The following SAE1 variants were observed in gnomAD, a reference collection of about 807,000 sequenced individuals.
SAE1 encodes SUMO1 activating enzyme subunit 1.
A neutral mutation model predicts 40.6 loss-of-function variants in SAE1; 11 were observed. The observed-to-expected ratio is 0.27, with a 90% CI of 0.17 to 0.45. The LOEUF is 0.45. Among genes scored for constraint, SAE1 ranks in the 20% least tolerant of loss-of-function variants. The pLI is 1.00. For missense variants in SAE1, 373 were observed against 427.3 expected, an observed-to-expected ratio of 0.87 and a Z score of 1.12; for synonymous variants, 155 against 154.3, an observed-to-expected ratio of 1.00 and a Z score of -0.03.
At chr19:47,195,357 A>G (rs1433079457) in intron 6 of SAE1, among the ~76,000 whole-genome samples, 1 of 152,082 alleles carries the variant, frequency 6.6e-6, no homozygotes, top group African/African-American at 2.4e-5. Flanking sequence ...ACCCAGCCTA[A>G]TTAGTCTTTT....
At chr19:47,160,846 A>C (rs1260112984) in intron 5 of SAE1, among the ~76,000 whole-genome samples, 1 of 152,172 alleles carries the variant, frequency 6.6e-6, no homozygotes, top group African/African-American at 2.4e-5. Flanking sequence ...CTAATTATTA[A>C]TATCAGAACT....
intron 6 of SAE1, 21 bp downstream of exon 6, chr19:47,169,944 T>C: frequency 6.4e-7 from 1 of 1,569,164 alleles, no homozygotes; most frequent in Non-Finnish European, 8.8e-7. Context: ...AAAGCACAAC[T>C]TACCCCGGGA....
chr19:47,170,318 G>A (rs1050844061), intron 6 of SAE1, among the ~76,000 whole-genome samples: 1 of 150,554 alleles, frequency 6.6e-6, no homozygotes, highest in Non-Finnish European at 1.5e-5. Flanking sequence ...GGGTTGAAGC[G>A]ATTCTGGTGT....
chr19:47,168,859 C>T (rs939054105), intron 5 of SAE1, among the ~76,000 whole-genome samples: 25 of 152,184 alleles, frequency 1.6e-4, no homozygotes, highest in African/African-American at 5.1e-4. Context: ...CCGCCTCGGC[C>T]TCCCAAAGTG....
chr19:47,151,469 T>G (rs1342986118), intron 3 of SAE1, among the ~76,000 whole-genome samples: 2 of 151,374 alleles, frequency 1.3e-5, no homozygotes, highest in Non-Finnish European at 2.9e-5. Context: ...ACACTTTTCT[T>G]TCTTTCTTTC....
intron 1 of SAE1, chr19:47,131,260 C>G: frequency 2.8e-6 from 3 of 1,088,848 alleles, no homozygotes; most frequent in South Asian, 2.4e-5. Context: ...CTGAAGGGGG[C>G]GTTGGGGAGT....
At chr19:47,172,303 T>C (rs1183419954) in intron 6 of SAE1, among the ~76,000 whole-genome samples, 1 of 152,230 alleles carries the variant, frequency 6.6e-6, no homozygotes, top group African/African-American at 2.4e-5. Context: ...GTGAGTGGGC[T>C]GCACTCAGAA....
At chr19:47,136,549 A>AT (rs1372774541) in intron 1 of SAE1, among the ~76,000 whole-genome samples, 1 of 135,114 alleles carries the variant, frequency 7.4e-6, no homozygotes, top group Non-Finnish European at 1.5e-5. Flanking sequence ...AGACTGGAGT[A>AT]TGGTGGCGTG....
intron 8 of SAE1, among the ~76,000 whole-genome samples, chr19:47,204,752 T>A (rs926284021): frequency 6.6e-6 from 1 of 151,990 alleles, no homozygotes; most frequent in Non-Finnish European, 1.5e-5. Flanking sequence ...CACCTCAGCC[T>A]CCCAAAGTGC....
chr19:47,168,318 T>C (rs911162709), intron 5 of SAE1, among the ~76,000 whole-genome samples: 15 of 152,016 alleles, frequency 9.9e-5, no homozygotes, highest in African/African-American at 4.8e-5. Flanking sequence ...CTGTATTTTT[T>C]TCTCTCTCTC....
intron 6 of SAE1, among the ~76,000 whole-genome samples, chr19:47,184,479 TG>T (rs2058530952): frequency 6.6e-6 from 1 of 151,630 alleles, no homozygotes; most frequent in African/African-American, 2.4e-5. Context: ...GGTGTGATTT[TG>T]GCTCATTGCA....
At chr19:47,161,585 T>A (rs935435474) in intron 5 of SAE1, among the ~76,000 whole-genome samples, 11 of 152,174 alleles carry the variant, frequency 7.2e-5, no homozygotes, top group African/African-American at 2.4e-4. Context: ...ATCACGTGTT[T>A]ATAAATCTAA....
chr19:47,188,086 C>T (rs916394499), intron 6 of SAE1, among the ~76,000 whole-genome samples: 4 of 152,032 alleles, frequency 2.6e-5, no homozygotes, highest in Non-Finnish European at 4.4e-5. Flanking sequence ...TGGTGGCTCA[C>T]GCCTGTAATC....
intron 1 of SAE1, among the ~76,000 whole-genome samples, chr19:47,141,902 G>A (rs2058224394): frequency 6.6e-6 from 1 of 152,116 alleles, no homozygotes; most frequent in Admixed American, 6.6e-5. Flanking sequence ...AATACATGAT[G>A]TAAAGTCTGT....
intron 1 of SAE1, among the ~76,000 whole-genome samples, chr19:47,136,201 C>G (rs959230368): frequency 4.6e-5 from 7 of 151,964 alleles, no homozygotes; most frequent in African/African-American, 7.3e-5. Flanking sequence ...GACAGTGGCA[C>G]GATCTCAGCC....
At chr19:47,208,908 T>C (rs936543694) in intron 8 of SAE1, among the ~76,000 whole-genome samples, 10 of 152,192 alleles carry the variant, frequency 6.6e-5, no homozygotes, top group African/African-American at 2.4e-4. Flanking sequence ...ATACATTTCT[T>C]AATCTCATGT....
chr19:47,141,371 A>T (rs1216099073), intron 1 of SAE1, among the ~76,000 whole-genome samples: 3 of 151,160 alleles, frequency 2.0e-5, no homozygotes, highest in Non-Finnish European at 1.5e-5. Context: ...CGAACTCCTG[A>T]CCTCAGGTGA....
chr19:47,188,042 C>T (rs1337588504), intron 6 of SAE1, among the ~76,000 whole-genome samples: 1 of 152,080 alleles, frequency 6.6e-6, no homozygotes. Flanking sequence ...TTCATTTCCA[C>T]AGGTGAATAT....
intron 6 of SAE1, among the ~76,000 whole-genome samples, chr19:47,183,513 G>A (rs190551605): frequency 6.6e-6 from 1 of 152,172 alleles, no homozygotes; most frequent in Admixed American, 6.5e-5. Flanking sequence ...CAGGCACCTC[G>A]TGACATTTTC....
Sources: gnomAD v4.1 joint callset for allele counts (sites outside exome capture counted in the v4.1 genomes callset) on GRCh38, gnomAD v4.1.1 for gene constraint, MANE v1.5 for transcripts, NCBI Gene and HGNC (gene_info 2026-07-23, HGNC 2026-07-21) for gene names.